The following HSPA12A variants were observed in gnomAD, a reference collection of about 807,000 sequenced individuals.
HSPA12A encodes heat shock protein family A (Hsp70) member 12A.
HSPA12A carries 28 observed loss-of-function variants against 69.2 expected under a neutral mutation model. That is an observed-to-expected ratio of 0.40 (90% CI 0.30 to 0.55). HSPA12A has a LOEUF of 0.55. Ranked by LOEUF, HSPA12A falls within the 20% of genes least tolerant of loss-of-function variation. The probability of loss-of-function intolerance (pLI) is 0.38; values close to 1 mark genes in which losing one functional copy is unlikely to be tolerated. For missense variants in HSPA12A, 686 were observed against 900.7 expected (o/e 0.76, Z 3.05); for synonymous variants, 345 against 370.5 (o/e 0.93, Z 0.79).
At chr10:116,676,564 C>G (rs1849243025) in intron 10 of HSPA12A, 62 bp from the exon 11 acceptor site, 1 of 1,266,304 alleles carries the variant, frequency 7.9e-7, no homozygotes. Context: ...CCAGGCTTAT[C>G]TGCATAGACA....
intron 2 of HSPA12A, among the ~76,000 whole-genome samples, chr10:116,794,233 A>T (rs903843564): frequency 1.3e-5 from 2 of 152,126 alleles, no homozygotes; most frequent in African/African-American, 4.8e-5. Flanking sequence ...AATAAAAATA[A>T]AAATATAAAG....
chr10:116,677,836 C>T (rs1415189379), intron 10 of HSPA12A, among the ~76,000 whole-genome samples: 2 of 152,200 alleles, frequency 1.3e-5, no homozygotes, highest in Non-Finnish European at 2.9e-5. Context: ...CGAGATGGGA[C>T]AGTGTGGGTG....
At chr10:116,808,852 C>T (rs1376087537) in intron 2 of HSPA12A, among the ~76,000 whole-genome samples, 3 of 152,170 alleles carry the variant, frequency 2.0e-5, no homozygotes, top group Non-Finnish European at 4.4e-5. Context: ...CACCGCCGTT[C>T]CTATGTTCAG....
chr10:116,794,405 A>G (rs1844771578), intron 2 of HSPA12A, among the ~76,000 whole-genome samples: 1 of 152,196 alleles, frequency 6.6e-6, no homozygotes. Context: ...GAATATTAAC[A>G]AACATGACTA....
chr10:116,782,995 G>A (rs1844496496), intron 2 of HSPA12A, among the ~76,000 whole-genome samples: 1 of 152,188 alleles, frequency 6.6e-6, no homozygotes, highest in Non-Finnish European at 1.5e-5. Context: ...GCCCCAAGGC[G>A]AAAGAAGGGA....
At chr10:116,779,762 G>T (rs957914508) in intron 2 of HSPA12A, among the ~76,000 whole-genome samples, 1 of 152,148 alleles carries the variant, frequency 6.6e-6, no homozygotes, top group Non-Finnish European at 1.5e-5. Context: ...TTGGGGAATG[G>T]CACGAAGCCC....
intron 1 of HSPA12A, among the ~76,000 whole-genome samples, chr10:116,724,094 G>C (rs972242800): frequency 2.0e-5 from 3 of 152,182 alleles, no homozygotes; most frequent in Non-Finnish European, 4.4e-5. Context: ...GGAGGGCCCA[G>C]CCTATCTTGC....
chr10:116,756,423 G>T (rs1372135563), intron 2 of HSPA12A, among the ~76,000 whole-genome samples: 1 of 152,244 alleles, frequency 6.6e-6, no homozygotes, highest in Admixed American at 6.5e-5. Context: ...GTGTGCTGGG[G>T]CCAAGGAATT....
At chr10:116,697,877 G>C (rs1849961438) in intron 5 of HSPA12A, among the ~76,000 whole-genome samples, 1 of 152,118 alleles carries the variant, frequency 6.6e-6, no homozygotes, top group Admixed American at 6.5e-5. Context: ...TCTGCTTTCT[G>C]TTTCTGTGAA....
rs74161325 is a variant in HSPA12A, at chr10:116,807,070, G to A, written c.91+27865C>T. 6.6e-3 allele frequency among the ~76,000 whole-genome samples: 1,002 copies of A among 152,286 alleles called. 15 individuals are homozygous for A. The highest frequency in any genetic ancestry group is 0.022 in the African/African-American group (923 of 41,560). ...CCAAGGAATGCCTGGAGCATCCAGA[G>A]GGACTGTGGCCCTGCCAACACCTTG... On this transcript the variant is annotated intron_variant, in intron 2 of 12. Coordinates refer to the HSPA12A transcript ENST00000635765.
intron 2 of HSPA12A, among the ~76,000 whole-genome samples, chr10:116,772,112 G>A (rs2133119216): frequency 6.6e-6 from 1 of 152,304 alleles, no homozygotes; most frequent in African/African-American, 2.4e-5. Context: ...GTAGTGGCGA[G>A]GATGATGGTG....
intron 1 of HSPA12A, among the ~76,000 whole-genome samples, chr10:116,728,731 G>T (rs1211246900): frequency 6.6e-6 from 1 of 152,190 alleles, no homozygotes; most frequent in African/African-American, 2.4e-5. Context: ...GCTTATCTAA[G>T]GGTTTTATAT....
intron 1 of HSPA12A, 26 bp from the exon 2 acceptor site, chr10:116,707,311 C>CTTAGAAGT: frequency 6.4e-7 from 1 of 1,572,328 alleles, no homozygotes; most frequent in Non-Finnish European, 8.7e-7. Flanking sequence ...AAGCCGCCTC[C>CTTAGAAGT]TTAGAAGTGG....
intron 2 of HSPA12A, among the ~76,000 whole-genome samples, chr10:116,747,971 C>G (rs1554887968): frequency 6.6e-6 from 1 of 152,060 alleles, no homozygotes; most frequent in Non-Finnish European, 1.5e-5. Flanking sequence ...TGCACTCCAG[C>G]CTGGGCAACG....
At chr10:116,780,977 C>A (rs1844450677) in intron 2 of HSPA12A, among the ~76,000 whole-genome samples, 1 of 152,192 alleles carries the variant, frequency 6.6e-6, no homozygotes, top group East Asian at 1.9e-4. Flanking sequence ...CTCCTAGCCC[C>A]ATCCTGGCTG....
chr10:116,767,340 T>C (rs1386852554), intron 2 of HSPA12A, among the ~76,000 whole-genome samples: 3 of 151,950 alleles, frequency 2.0e-5, no homozygotes, highest in Admixed American at 6.6e-5. Context: ...TCATCCCCCT[T>C]CCTCCCATCC....
intron 2 of HSPA12A, among the ~76,000 whole-genome samples, chr10:116,826,521 A>G (rs1242256852): frequency 6.6e-6 from 1 of 152,200 alleles, no homozygotes; most frequent in Admixed American, 6.5e-5. Context: ...CCCTGCCTGC[A>G]TGGGAACTGA....
intron 6 of HSPA12A, among the ~76,000 whole-genome samples, chr10:116,691,426 C>T (rs1849735050): frequency 6.6e-6 from 1 of 152,120 alleles, no homozygotes; most frequent in Admixed American, 6.5e-5. Flanking sequence ...AGGTACGTCT[C>T]CTGGGAAAGG....
chr10:116,759,033 A>T (rs2133098487), intron 2 of HSPA12A, among the ~76,000 whole-genome samples: 1 of 152,250 alleles, frequency 6.6e-6, no homozygotes, highest in Non-Finnish European at 1.5e-5. Context: ...TTTGATGGGA[A>T]CTCAGGACCT....
Sources: gnomAD v4.1 joint callset for allele counts (sites outside exome capture counted in the v4.1 genomes callset) on GRCh38, gnomAD v4.1.1 for gene constraint, MANE v1.5 for transcripts, NCBI Gene and HGNC (gene_info 2026-07-23, HGNC 2026-07-21) for gene names.